The following GSE1 variants were observed in gnomAD, a reference collection of about 807,000 sequenced individuals.
The protein encoded by GSE1 is Gse1 coiled-coil protein, also known as genetic suppressor element 1.
In GSE1, 32 loss-of-function variants were observed where a neutral mutation model predicts 112.6. That is an observed-to-expected ratio of 0.28 (90% CI 0.21 to 0.38). The LOEUF (loss-of-function observed/expected upper bound fraction) is 0.38. GSE1 is among the 10% of genes least tolerant of loss of function. The pLI is 1.00. For synonymous variants in GSE1, 1,115 were observed against 735.6 expected (o/e 1.52, Z -8.35); for missense variants, 2,348 against 1,699.2 (o/e 1.38, Z -6.71).
intron 1 of GSE1, among the ~76,000 whole-genome samples, chr16:85,564,755 C>G (rs1432539001): frequency 2.0e-5 from 3 of 152,176 alleles, no homozygotes; most frequent in Non-Finnish European, 4.4e-5. Flanking sequence ...AGAGAATGTG[C>G]AGGCAGAGGG....
At chr16:85,563,608 G>A (rs2045618684) in intron 1 of GSE1, among the ~76,000 whole-genome samples, 1 of 152,234 alleles carries the variant, frequency 6.6e-6, no homozygotes, top group Non-Finnish European at 1.5e-5. Flanking sequence ...CCTGCCGGAA[G>A]CCCAGGCCCT....
intron 1 of GSE1, among the ~76,000 whole-genome samples, chr16:85,291,818 C>T (rs894891884): frequency 2.6e-5 from 4 of 152,250 alleles, no homozygotes; most frequent in Admixed American, 1.3e-4. Flanking sequence ...GTCTGCCTTC[C>T]TCCCCATCCC....
At chr16:85,543,381 T>C (rs1415962900) in intron 2 of GSE1, among the ~76,000 whole-genome samples, 1 of 152,210 alleles carries the variant, frequency 6.6e-6, no homozygotes, top group Non-Finnish European at 1.5e-5. Context: ...AGATATTTCT[T>C]TTCAGAGCAG....
intron 1 of GSE1, among the ~76,000 whole-genome samples, chr16:85,290,250 C>T (rs182217748): frequency 6.6e-6 from 1 of 152,214 alleles, no homozygotes; most frequent in Admixed American, 6.5e-5. Context: ...CCTGCACAGG[C>T]CTGCCCTGCC....
chr16:85,426,058 G>C (rs905929128), intron 2 of GSE1, among the ~76,000 whole-genome samples: 1 of 135,896 alleles, frequency 7.4e-6, no homozygotes, highest in African/African-American at 2.7e-5. Context: ...TGGATGGATG[G>C]ATGGATGGAT....
At chr16:85,304,610 G>GC (rs1555557466) in intron 1 of GSE1, among the ~76,000 whole-genome samples, 2 of 124,574 alleles carry the variant, frequency 1.6e-5, no homozygotes, top group Admixed American at 8.1e-5. Context: ...GCGGGGGGGT[G>GC]GGGCATCCCT....
Position 85,662,774 on chromosome 16 carries a change from G to T in GSE1, c.2261-207G>T, listed in dbSNP as rs1200856869. ...CAGCTACTGGGAGCCATGGATCCCA[G>T]GGAAGCCTGGTGTCTGCGGTCCTGC... On this transcript the variant is annotated intron_variant, in intron 9 of 15. Coordinates refer to ENST00000253458, the MANE Select transcript of GSE1 (RefSeq NM_014615.5). The T allele has an allele frequency of 1.5e-5, 8 of 546,822 alleles. No individual in the cohort carries two copies. The South Asian group carries it at 1.9e-4, about 13-fold the overall frequency. 33.9% of individuals were successfully genotyped at this position (546,822 alleles called of 1,614,324 possible).
chr16:85,253,058 G>GCCCCCACC (rs1567640694), intron 1 of GSE1, among the ~76,000 whole-genome samples: 1 of 47,142 alleles, frequency 2.1e-5, no homozygotes, highest in Non-Finnish European at 3.9e-5. Flanking sequence ...AGGCGCCCCC[G>GCCCCCACC]CCCCCCCCCC....
chr16:85,454,025 A>G (rs1333800951), intron 2 of GSE1, among the ~76,000 whole-genome samples: 1 of 152,056 alleles, frequency 6.6e-6, no homozygotes, highest in East Asian at 1.9e-4. Flanking sequence ...CCCCTGCCCC[A>G]CGGGCATCCA....
intron 2 of GSE1, among the ~76,000 whole-genome samples, chr16:85,400,288 T>C (rs2048071674): frequency 6.9e-6 from 1 of 145,144 alleles, no homozygotes; most frequent in African/African-American, 2.5e-5. Flanking sequence ...TGTGTAATTG[T>C]GTGTGTGTGT....
At chr16:85,184,692 C>G (rs925706926) in intron 1 of GSE1, among the ~76,000 whole-genome samples, 1 of 152,130 alleles carries the variant, frequency 6.6e-6, no homozygotes, top group Non-Finnish European at 1.5e-5. Context: ...TTCAATTTCC[C>G]TTGTGTTTTT....
At chr16:85,616,792 C>T (rs1050688106) in intron 1 of GSE1, among the ~76,000 whole-genome samples, 1 of 152,110 alleles carries the variant, frequency 6.6e-6, no homozygotes, top group Non-Finnish European at 1.5e-5. Context: ...TCTCCCCCGG[C>T]TGAGGCCACA....
intron 1 of GSE1, among the ~76,000 whole-genome samples, chr16:85,183,263 A>G (rs1243117790): frequency 6.6e-6 from 1 of 152,140 alleles, no homozygotes; most frequent in Non-Finnish European, 1.5e-5. Context: ...ACACACTCAC[A>G]TTCTTGCCTG....
At chr16:85,609,419 G>C (rs577649632), upstream of GSE1, among the ~76,000 whole-genome samples, 3 of 152,318 alleles carry the variant, frequency 2.0e-5, no homozygotes, top group African/African-American at 7.2e-5. Flanking sequence ...TCTCTGAGGT[G>C]CTTGCTGAAG....
intron 1 of GSE1, among the ~76,000 whole-genome samples, chr16:85,297,124 C>A (rs976753141): frequency 6.6e-6 from 1 of 152,190 alleles, no homozygotes; most frequent in African/African-American, 2.4e-5. Flanking sequence ...TCCTGCTGCC[C>A]GCCCTCTACC....
At chr16:85,350,671 A>C (rs991438428) in intron 1 of GSE1, among the ~76,000 whole-genome samples, 6 of 152,114 alleles carry the variant, frequency 3.9e-5, no homozygotes, top group Non-Finnish European at 7.4e-5. Context: ...CTCTTAGTTC[A>C]TGGGATCAGC....
At chr16:85,370,260 C>G (rs761880387) in intron 2 of GSE1, among the ~76,000 whole-genome samples, 34 of 152,188 alleles carry the variant, frequency 2.2e-4, no homozygotes, top group Admixed American at 3.3e-4. Flanking sequence ...CTCTGCCCCT[C>G]CCCTAGCCTC....
At chr16:85,585,827 G>A (rs2046666236) in intron 1 of GSE1, among the ~76,000 whole-genome samples, 1 of 152,238 alleles carries the variant, frequency 6.6e-6, no homozygotes, top group South Asian at 2.1e-4. Flanking sequence ...TTGGCTGCAG[G>A]GTGCGACTTG....
intron 1 of GSE1, among the ~76,000 whole-genome samples, chr16:85,603,498 T>G (rs2047556700): frequency 6.6e-6 from 1 of 152,040 alleles, no homozygotes; most frequent in Admixed American, 6.5e-5. Flanking sequence ...GCCTTCAGAT[T>G]GGATTTTTTT....
Sources: gnomAD v4.1 joint callset for allele counts (sites outside exome capture counted in the v4.1 genomes callset) on GRCh38, gnomAD v4.1.1 for gene constraint, MANE v1.5 for transcripts, NCBI Gene and HGNC (gene_info 2026-07-23, HGNC 2026-07-21) for gene names.